Variants in FANK1 observed in about 807,000 individuals in gnomAD.
FANK1 encodes the protein fibronectin type 3 and ankyrin repeat domains protein 1.
Under a neutral mutation model 45.3 loss-of-function variants are expected in FANK1, and 44 were observed. That is an observed-to-expected ratio of 0.97 (90% CI 0.76 to 1.25). The LOEUF (loss-of-function observed/expected upper bound fraction) is 1.25. FANK1 is among the 50% of genes most tolerant of loss of function. The pLI is 0.00. For missense variants in FANK1, 391 were observed against 424.4 expected (o/e 0.92, Z 0.69); for synonymous variants, 149 against 152.5 (o/e 0.98, Z 0.17).
chr10:125,991,911 C>T (rs1951971218), intron 3 of FANK1, among the ~76,000 whole-genome samples: 2 of 152,186 alleles, frequency 1.3e-5, no homozygotes, highest in African/African-American at 4.8e-5. Context: ...CAAGACCACT[C>T]TGCCCTGCTC....
At chr10:125,991,899 C>A (rs965618262) in intron 3 of FANK1, among the ~76,000 whole-genome samples, 1 of 152,188 alleles carries the variant, frequency 6.6e-6, no homozygotes, top group Non-Finnish European at 1.5e-5. Flanking sequence ...CGATGGCTTC[C>A]TCAAGACCAC....
intron 3 of FANK1, among the ~76,000 whole-genome samples, chr10:125,991,290 TC>T (rs1233103893): frequency 6.7e-6 from 1 of 149,882 alleles, no homozygotes; most frequent in Admixed American, 6.6e-5. Flanking sequence ...GGGGGAGTGA[TC>T]CTGGCCATTT....
chr10:125,972,931 C>CAT (rs1950612688), intron 1 of FANK1: 1 of 155,466 alleles, frequency 6.4e-6, no homozygotes, highest in Non-Finnish European at 1.4e-5. Context: ...CACACACACA[C>CAT]ACGAACCAAC....
intron 1 of FANK1, among the ~76,000 whole-genome samples, chr10:125,965,040 C>T (rs753570690): frequency 1.8e-4 from 28 of 152,278 alleles, no homozygotes; most frequent in Non-Finnish European, 3.8e-4. Flanking sequence ...TGCCTATAAT[C>T]CCAGCTACTT....
intron 1 of FANK1, among the ~76,000 whole-genome samples, chr10:125,953,862 C>G (rs985810558): frequency 6.6e-6 from 1 of 152,154 alleles, no homozygotes; most frequent in African/African-American, 2.4e-5. Flanking sequence ...TCTCTGCCTT[C>G]CCCATGGGCT....
chr10:125,980,458 G>C (rs1384566826), intron 2 of FANK1, 120 bp downstream of exon 2: 1 of 1,147,826 alleles, frequency 8.7e-7, no homozygotes, highest in African/African-American at 1.6e-5. Flanking sequence ...AGCATCATTT[G>C]TATTCATGCT....
At chr10:125,997,382 G>T (rs915812157) in intron 5 of FANK1, 38 bp from the exon 6 acceptor site, 9 of 1,579,904 alleles carry the variant, frequency 5.7e-6, no homozygotes, top group Admixed American at 1.7e-5. Context: ...AGTGATCAAG[G>T]TGACTTATCT....
At chr10:125,928,088 G>A (rs1053651763) in intron 1 of FANK1, among the ~76,000 whole-genome samples, 2 of 152,130 alleles carry the variant, frequency 1.3e-5, no homozygotes, top group African/African-American at 4.8e-5. Flanking sequence ...TGGATCTGGT[G>A]CAAGAAAGAA....
chr10:125,989,472 C>T lies in FANK1; in HGVS notation c.316+797C>T, dbSNP rs180916662. The T allele has an allele frequency of 2.9e-4, 285 of 986,506 alleles. No homozygotes were observed. In the Admixed American group the frequency reaches 5.6e-3, roughly 19 times the overall value. The allele number at this position is 986,506 out of a possible 1,614,324, so 61.1% of individuals were successfully genotyped here. On this transcript the variant is annotated intron_variant, in intron 3 of 10. Transcript: ENST00000368693. ...GGTATGTGCTTTCCATGGCTTTCAA[C>T]TGTGTCCTTTAGGCATTTCTTCATT...
chr10:125,918,139 G>C (rs1014270554), intron 1 of FANK1, among the ~76,000 whole-genome samples: 22 of 152,412 alleles, frequency 1.4e-4, no homozygotes, highest in Non-Finnish European at 2.6e-4. Context: ...AGAGGAATGA[G>C]GGCTTATTGC....
At chr10:125,936,642 G>C (rs191412944) in intron 1 of FANK1, among the ~76,000 whole-genome samples, 9 of 152,264 alleles carry the variant, frequency 5.9e-5, no homozygotes, top group Admixed American at 5.9e-4. Context: ...CATTATGTTT[G>C]TAAGATTAAT....
chr10:125,946,016 A>C (rs570332738), intron 1 of FANK1, among the ~76,000 whole-genome samples: 10 of 152,290 alleles, frequency 6.6e-5, no homozygotes, highest in Admixed American at 2.6e-4. Context: ...CTCACACGGC[A>C]GGGTATTCCA....
intron 1 of FANK1, among the ~76,000 whole-genome samples, chr10:125,945,829 C>A (rs1948754749): frequency 6.6e-6 from 1 of 152,242 alleles, no homozygotes; most frequent in African/African-American, 2.4e-5. Context: ...CAGCAGTAAC[C>A]TCTGCAGGCT....
chr10:125,991,218 C>G (rs1181745234), intron 3 of FANK1, among the ~76,000 whole-genome samples: 4 of 144,032 alleles, frequency 2.8e-5, no homozygotes, highest in East Asian at 2.1e-4. Flanking sequence ...GATGAGGCCT[C>G]CTGCAGGGAT....
At chr10:125,973,319 G>A (rs1187582358) in intron 1 of FANK1, 6 of 440,868 alleles carry the variant, frequency 1.4e-5, no homozygotes, top group African/African-American at 2.1e-5. Context: ...GTTGGCTTCT[G>A]GTTATTTTGG....
chr10:125,899,703 C>A (rs1218639116), intron 1 of FANK1, among the ~76,000 whole-genome samples: 1 of 152,174 alleles, frequency 6.6e-6, no homozygotes, highest in Non-Finnish European at 1.5e-5. Flanking sequence ...GCACTACAGA[C>A]GTGGCATCAA....
In FANK1 at chr10:125,988,651, C is replaced by T. The variant is rs767949424; in HGVS notation, c.292C>T (p.Pro98Ser). ...CCCCTCTGGGGAGTGTGAGTACAGC[C>T]CACTCGTCTCAGTGTCTACAACCAG... ...TSPSGECEYS[P>S]LVSVSTTREP... is the part of the protein sequence containing the mutation. Residue 98 changes from proline (P) to serine (S), a missense_variant, in exon 3 of 11, where the codon CCA becomes TCA. Transcript: ENST00000368693. The T allele has an allele frequency of 4.4e-5, 71 of 1,613,988 alleles. No homozygotes were observed. In the Middle Eastern group the frequency reaches 6.6e-4, roughly 15 times the overall value.
At chr10:125,940,388 A>G (rs1948373698) in intron 1 of FANK1, among the ~76,000 whole-genome samples, 1 of 152,158 alleles carries the variant, frequency 6.6e-6, no homozygotes, top group Non-Finnish European at 1.5e-5. Flanking sequence ...GGAAGATACT[A>G]TGCCTGGATG....
intron 1 of FANK1, among the ~76,000 whole-genome samples, chr10:125,958,246 T>A (rs78730299): frequency 6.6e-6 from 1 of 152,216 alleles, no homozygotes; most frequent in Non-Finnish European, 1.5e-5. Context: ...TTCTCTTTTT[T>A]ACTTCTGTGT....
Sources: allele counts gnomAD v4.1 joint callset (sites outside exome capture counted in the v4.1 genomes callset), GRCh38; gene constraint gnomAD v4.1.1; transcripts MANE v1.5; gene names NCBI Gene and HGNC (gene_info 2026-07-23, HGNC 2026-07-21).